DNAH5: variants seen among roughly 807,000 people sequenced by gnomAD.
The protein encoded by DNAH5 is dynein axonemal heavy chain 5, also known as axonemal beta dynein heavy chain 5.
In DNAH5, 372 loss-of-function variants were observed where a neutral mutation model predicts 518.2. The ratio of observed to expected loss-of-function variants is 0.72; its 90% CI spans 0.66 to 0.78. DNAH5 has a LOEUF of 0.78. DNAH5 is among the 30% of genes least tolerant of loss of function. The pLI, the probability that DNAH5 is intolerant of heterozygous loss-of-function variation, is 0.00. For missense variants in DNAH5, 5,523 were observed against 5,687.0 expected (o/e 0.97, Z 0.93); for synonymous variants, 2,039 against 2,025.9 (o/e 1.01, Z -0.17).
chr5:13,881,374 T>C (rs1167576634), intron 21 of DNAH5, among the ~76,000 whole-genome samples: 1 of 152,024 alleles, frequency 6.6e-6, no homozygotes, highest in Non-Finnish European at 1.5e-5. Context: ...ACATTCTCTC[T>C]ATGGTAGATC....
At chr5:13,969,084 G>A (rs527488777) in intron 1 of DNAH5, among the ~76,000 whole-genome samples, 2 of 152,152 alleles carry the variant, frequency 1.3e-5, no homozygotes, top group East Asian at 3.9e-4. Flanking sequence ...ATCTCCTCTA[G>A]GTTTTCTAGT....
In DNAH5 at chr5:13,859,595, G is replaced by C; in HGVS notation, c.4807C>G (p.Pro1603Ala). 1 of 1,613,774 alleles carries C rather than the reference G, an allele frequency of 6.2e-7. No individual in the cohort carries two copies. The change falls in exon 30 of 79, where the codon CCA (proline) becomes GCA (alanine). Residue 1603 changes from proline (P) to alanine (A), a missense_variant. Pro to Ala is a conservative substitution (Grantham distance 27). Transcript: ENST00000265104. ...CATTTTTGAATCTGGGCTTTGAATG[G>C]CATATTGTACCTAAAATAAGAAATA... Reference protein sequence around the residue: ...GSLLSNRYNMPFKAQIQKWVQ... With the variant: ...GSLLSNRYNMAFKAQIQKWVQ...
chr5:13,912,036 T>C (rs936778818), intron 11 of DNAH5, among the ~76,000 whole-genome samples: 5 of 152,200 alleles, frequency 3.3e-5, no homozygotes, highest in Non-Finnish European at 5.9e-5. Flanking sequence ...TGTTTCCTAC[T>C]GCCCTGCAAA....
At chr5:13,970,981 T>C (rs1253881056) in intron 1 of DNAH5, among the ~76,000 whole-genome samples, 1 of 152,140 alleles carries the variant, frequency 6.6e-6, no homozygotes, top group Admixed American at 6.5e-5. Flanking sequence ...TTGTTCATTT[T>C]TTTTCTTTTT....
intron 76 of DNAH5, among the ~76,000 whole-genome samples, chr5:13,703,555 T>C (rs1742404151): frequency 6.6e-6 from 1 of 152,242 alleles, no homozygotes; most frequent in South Asian, 2.1e-4. Context: ...TATTATCTTA[T>C]CTCATGACCC....
chr5:13,718,803 C>A, intron 72 of DNAH5, 79 bp downstream of exon 72: 1 of 1,214,380 alleles, frequency 8.2e-7, no homozygotes, highest in South Asian at 1.2e-5. Context: ...TGTATCCTAG[C>A]TAATCCTTTT....
intron 30 of DNAH5, 85 bp from the exon 31 acceptor site, chr5:13,850,900 G>C: frequency 1.4e-6 from 2 of 1,420,546 alleles, no homozygotes; most frequent in Non-Finnish European, 9.9e-7. Flanking sequence ...TCCAGCTGAG[G>C]CTAGAGCTTT....
At chr5:13,701,991 C>G (rs995733994) in intron 76 of DNAH5, among the ~76,000 whole-genome samples, 4 of 152,118 alleles carry the variant, frequency 2.6e-5, no homozygotes, top group African/African-American at 9.7e-5. Context: ...GAATGTTTAT[C>G]CCTTTAGAAT....
intron 21 of DNAH5, 69 bp from the exon 22 acceptor site, chr5:13,876,886 T>C: frequency 6.7e-7 from 1 of 1,495,870 alleles, no homozygotes; most frequent in Non-Finnish European, 9.2e-7. Flanking sequence ...GAGATGAGGA[T>C]ATTTCTGTGA....
At chr5:13,828,918 T>C in intron 38 of DNAH5, among the ~76,000 whole-genome samples, 1 of 152,222 alleles carries the variant, frequency 6.6e-6, no homozygotes. Context: ...AGACACCATG[T>C]AGTAATAAAT....
chr5:13,745,056 T>G (rs1749143846), intron 65 of DNAH5, among the ~76,000 whole-genome samples: 1 of 152,100 alleles, frequency 6.6e-6, no homozygotes, highest in Non-Finnish European at 1.5e-5. Context: ...CACACACCTG[T>G]TTGTTCATCC....
chr5:13,959,530 G>A (rs751486359), intron 1 of DNAH5, among the ~76,000 whole-genome samples: 13 of 152,296 alleles, frequency 8.5e-5, no homozygotes, highest in Non-Finnish European at 1.3e-4. Context: ...CCAGCCCAGC[G>A]CCCAGGACAG....
chr5:13,876,955 A>C (rs1770983071), intron 21 of DNAH5, 138 bp from the exon 22 acceptor site: 1 of 878,556 alleles, frequency 1.1e-6, no homozygotes, highest in Non-Finnish European at 1.7e-6. Flanking sequence ...AAATAATGGA[A>C]AGAGTTGTCA....
intron 61 of DNAH5, among the ~76,000 whole-genome samples, chr5:13,757,031 C>A (rs1308813697): frequency 6.6e-6 from 1 of 152,176 alleles, no homozygotes; most frequent in African/African-American, 2.4e-5. Context: ...TGAAAGGACA[C>A]AATCTCATTC....
At chr5:13,728,146 T>A (rs562334861) in intron 69 of DNAH5, among the ~76,000 whole-genome samples, 1 of 152,266 alleles carries the variant, frequency 6.6e-6, no homozygotes, top group East Asian at 1.9e-4. Context: ...TAATCTAGAG[T>A]AATTGGAAAT....
intron 1 of DNAH5, among the ~76,000 whole-genome samples, chr5:13,993,385 T>A (rs1783698972): frequency 6.6e-6 from 1 of 152,162 alleles, no homozygotes; most frequent in East Asian, 1.9e-4. Context: ...TTTTTAAGGT[T>A]CTAGGTCTAA....
Position 13,870,850 on chromosome 5 carries a change from C to G in DNAH5, c.3751G>C (p.Asp1251His). Residue 1251 changes from aspartate (D) to histidine (H), a missense_variant, in exon 24 of 79, where the codon GAT (aspartate) becomes CAT (histidine). Asp to His is a moderately conservative substitution (Grantham distance 81). Around this residue, in one of 3 missense-constraint regions of DNAH5, gnomAD observed 5,121 missense variants for 5,223.3 expected, o/e 0.98. Transcript: ENST00000265104. ...KKLNRPIKDL[D>H]DIRIAMAALK... Reference sequence around the variant, plus strand: ...GCTGCCATTGCAATCCGAATATCATCTAGGTCCTTAATTGGACGATTTAGT... The same window carrying G: ...GCTGCCATTGCAATCCGAATATCATGTAGGTCCTTAATTGGACGATTTAGT... 1 of 1,613,898 alleles carries G rather than the reference C, an allele frequency of 6.2e-7. No homozygotes were observed. The highest frequency in any genetic ancestry group is 8.5e-7 in the Non-Finnish European group (1 of 1,179,854).
intron 22 of DNAH5, among the ~76,000 whole-genome samples, chr5:13,873,950 G>C: frequency 6.6e-6 from 1 of 152,172 alleles, no homozygotes; most frequent in East Asian, 1.9e-4. Context: ...GAGCATTACA[G>C]GATTCTAAAT....
At chr5:13,966,278 C>T (rs1426097546) in intron 1 of DNAH5, among the ~76,000 whole-genome samples, 2 of 152,030 alleles carry the variant, frequency 1.3e-5, no homozygotes, top group Non-Finnish European at 2.9e-5. Context: ...GGCATTTGGG[C>T]TGGTTCCATA....
Sources: allele counts gnomAD v4.1 joint callset (sites outside exome capture counted in the v4.1 genomes callset), GRCh38; gene constraint gnomAD v4.1.1; regional missense constraint gnomAD v4.1.1; transcripts MANE v1.5; gene names NCBI Gene and HGNC (gene_info 2026-07-23, HGNC 2026-07-21).